The following FAM178B variants were observed in gnomAD, a reference collection of about 807,000 sequenced individuals.
FAM178B encodes family with sequence similarity 178 member B, also known as protein FAM178B.
FAM178B carries 82 observed loss-of-function variants against 91.7 expected under a neutral mutation model. The observed-to-expected ratio is 0.89, with a 90% CI of 0.75 to 1.07. FAM178B has a LOEUF of 1.07. FAM178B is among the 50% of genes least tolerant of loss of function. The probability of loss-of-function intolerance (pLI) is 0.00; values close to 1 mark genes in which losing one functional copy is unlikely to be tolerated. For synonymous variants in FAM178B, 368 were observed against 359.4 expected, an observed-to-expected ratio of 1.02 and a Z score of -0.27; for missense variants, 769 against 846.7, an observed-to-expected ratio of 0.91 and a Z score of 1.14.
In FAM178B at chr2:96,877,932, G is replaced by C. The variant is rs140902161; in HGVS notation, c.1965C>G (p.Thr655=). Residue 655 remains threonine (T), a synonymous_variant, in exon 16 of 17, where the codon ACC becomes ACG. Transcript: ENST00000490605. The part of the protein sequence containing the change: ...RTMLKDLATQ[T]YIRWQELLTH... ...TCAGCAGCTCCTGCCAACGGATGTA[G>C]GTCTGGGTAGCCAGGTCCTTGAGCA... 5 of 1,613,836 alleles carry C rather than the reference G, an allele frequency of 3.1e-6. No homozygotes were observed. The highest frequency in any genetic ancestry group is 4.2e-6 in the Non-Finnish European group (5 of 1,180,022).
At chr2:96,889,845 GA>G (rs1284500631) in intron 14 of FAM178B, among the ~76,000 whole-genome samples, 5 of 151,706 alleles carry the variant, frequency 3.3e-5, no homozygotes, top group African/African-American at 1.2e-4. Context: ...AATCTCGATG[GA>G]ATTGAATTGG....
intron 2 of FAM178B, 24 bp from the exon 3 acceptor site, chr2:96,972,346 G>C: frequency 6.8e-7 from 1 of 1,467,358 alleles, no homozygotes; most frequent in Non-Finnish European, 9.0e-7. Flanking sequence ...AGAATACTGT[G>C]GTCCCTCTGC....
chr2:96,900,674 T>G (rs1574216265), intron 13 of FAM178B, among the ~76,000 whole-genome samples: 1 of 151,496 alleles, frequency 6.6e-6, no homozygotes, highest in Admixed American at 6.6e-5. Context: ...TTGGCTGGAG[T>G]GGGAATGACA....
intron 14 of FAM178B, among the ~76,000 whole-genome samples, chr2:96,887,430 C>T (rs2080554440): frequency 6.6e-6 from 1 of 152,034 alleles, no homozygotes; most frequent in South Asian, 2.1e-4. Flanking sequence ...CTGGATTGAC[C>T]CTAAAAGGTA....
At chr2:96,918,753 A>C (rs1331577945) in intron 12 of FAM178B, among the ~76,000 whole-genome samples, 1 of 152,216 alleles carries the variant, frequency 6.6e-6, no homozygotes, top group African/African-American at 2.4e-5. Flanking sequence ...GTTAAAGAAA[A>C]GAAAGAAATG....
At chr2:96,877,676 T>G (rs2080278555) in intron 16 of FAM178B, 12 of 572,804 alleles carry the variant, frequency 2.1e-5, no homozygotes, top group Non-Finnish European at 3.1e-5. Context: ...ATTACAGGCG[T>G]GAGCTACCAC....
rs1295071687 is a variant in FAM178B, at chr2:96,909,074, C to T, written c.1563-6367G>A. ...AGGAGAATCACTTGAACCTGGGAGGCAGAGGTTGCAGTGAGCCGACATCAC... is the reference window on the plus strand; with the variant it reads ...AGGAGAATCACTTGAACCTGGGAGGTAGAGGTTGCAGTGAGCCGACATCAC... On this transcript the variant is annotated intron_variant, in intron 12 of 16. Coordinates refer to ENST00000490605, the MANE Select transcript of FAM178B (RefSeq NM_001122646.3). Among the ~76,000 whole-genome samples, 12 of 146,324 alleles carry T rather than the reference C, an allele frequency of 8.2e-5. No homozygotes were observed. In the Admixed American group the frequency reaches 8.5e-4, roughly 10 times the overall value.
At chr2:96,971,801 CTGGGGCGTGG>C in intron 3 of FAM178B, 90 bp downstream of exon 3, 1 of 1,150,994 alleles carries the variant, frequency 8.7e-7, no homozygotes, top group Non-Finnish European at 1.2e-6. Flanking sequence ...GGAAGAGCAG[CTGGGGCGTGG>C]CTCAGGAGAG....
rs182396374 is a variant in FAM178B, at chr2:96,914,989, G to T, written c.1562+6176C>A. Reference sequence around the variant, plus strand: ...ACAATGATGTGGGGCAGGGGTGGGGGGCAATGGGTGAGGGAAGGAGGAGTC... The same window carrying T: ...ACAATGATGTGGGGCAGGGGTGGGGTGCAATGGGTGAGGGAAGGAGGAGTC... On this transcript the variant is annotated intron_variant, in intron 12 of 16. Coordinates refer to ENST00000490605, the MANE Select transcript of FAM178B (RefSeq NM_001122646.3). 1.6e-3 allele frequency among the ~76,000 whole-genome samples: 249 copies of T among 152,256 alleles called. 1 individual carries two copies. The highest frequency in any genetic ancestry group is 5.3e-3 in the African/African-American group (222 of 41,540).
At position 96,911,364 on chromosome 2, in the gene FAM178B, CAGG is replaced by C. The variant is rs1487868149; in HGVS notation, c.1563-8660_1563-8658del. Among the ~76,000 whole-genome samples, 4 of 152,190 alleles carry C rather than the reference CAGG, an allele frequency of 2.6e-5. No homozygotes were observed. In the East Asian group the frequency reaches 7.7e-4, roughly 29 times the overall value. ...GGAGGACAATGGGAAGAGGCCTCTC[CAGG>C]AGGAGACAGATGCGGAAAAGCTTGG... is the stretch of plus-strand genomic sequence containing the variant. On this transcript the variant is annotated intron_variant, in intron 12 of 16. Transcript: ENST00000490605.
chr2:96,888,516 G>A (rs2080583644), intron 14 of FAM178B, among the ~76,000 whole-genome samples: 1 of 152,254 alleles, frequency 6.6e-6, no homozygotes. Context: ...AGAGGGCAGA[G>A]GCAAGCACAC....
intron 14 of FAM178B, among the ~76,000 whole-genome samples, chr2:96,884,545 G>C (rs1177546457): frequency 6.6e-6 from 1 of 152,204 alleles, no homozygotes; most frequent in Non-Finnish European, 1.5e-5. Context: ...GGGCTACTCA[G>C]GCCCCAGGCC....
At position 96,876,134 on chromosome 2, in the gene FAM178B, G is replaced by A. The variant is rs2080235978; in HGVS notation, c.*142C>T. 8 of 789,798 alleles carry A rather than the reference G, an allele frequency of 1.0e-5. No homozygotes were observed. Among genetic ancestry groups the A allele is most frequent in the South Asian group, 6.8e-5 (4 of 58,538 alleles). The allele number at this position is 789,798 out of a possible 1,614,324, so 48.9% of individuals were successfully genotyped here. On this transcript the variant is annotated 3_prime_UTR_variant, in exon 17 of 17. Transcript: ENST00000490605. ...TTGCAGAGAGGAGAGGGGTCGGGGCGGTGGCAGGGGCAGGCTCTTGCCTCA... is the reference window on the plus strand; with the variant it reads ...TTGCAGAGAGGAGAGGGGTCGGGGCAGTGGCAGGGGCAGGCTCTTGCCTCA...
rs2082223873 is a variant in FAM178B at position 96,971,923 on chromosome 2, C to G, written c.542G>C (p.Ser181Thr). The G allele has an allele frequency of 6.6e-7, 1 of 1,509,778 alleles. No individual in the cohort carries two copies. The highest frequency in any genetic ancestry group is 1.4e-5 in the African/African-American group (1 of 71,868). 93.5% of individuals were successfully genotyped at this position (1,509,778 alleles called of 1,614,324 possible). The change falls in exon 3 of 17, where the codon AGC (serine) becomes ACC (threonine). Residue 181 changes from serine (S) to threonine (T), a missense_variant. Physicochemically the swap from Ser to Thr is moderately conservative, Grantham distance 58 (BLOSUM62 1). Coordinates refer to ENST00000490605, the MANE Select transcript of FAM178B (RefSeq NM_001122646.3). ...CACCTCTGGGGCCGCAGCCTGCTGGCTCAGGCCTGACGTGTTCCAGAACAG... is the reference window on the plus strand; with the variant it reads ...CACCTCTGGGGCCGCAGCCTGCTGGGTCAGGCCTGACGTGTTCCAGAACAG... ...EKLFWNTSGL[S>T]QQAAAPEFSW... is the part of the protein sequence containing the mutation.
At chr2:96,907,562 T>C (rs1242281628) in intron 12 of FAM178B, among the ~76,000 whole-genome samples, 1 of 152,232 alleles carries the variant, frequency 6.6e-6, no homozygotes, top group East Asian at 1.9e-4. Context: ...CCAGGCCAGC[T>C]TCTGCCTCCG....
At chr2:96,876,893 G>A (rs2153366831) in intron 16 of FAM178B, among the ~76,000 whole-genome samples, 1 of 152,236 alleles carries the variant, frequency 6.6e-6, no homozygotes, top group South Asian at 2.1e-4. Context: ...GGAAGGGAGG[G>A]CACCAGCACA....
chr2:96,898,154 A>G (rs1305788730), intron 13 of FAM178B: 1 of 976,786 alleles, frequency 1.0e-6, no homozygotes, highest in East Asian at 1.1e-4. Context: ...CAGTGAATCG[A>G]TTGATAGGAT....
At chr2:96,923,148 T>C (rs1034096313) in intron 10 of FAM178B, among the ~76,000 whole-genome samples, 9 of 151,100 alleles carry the variant, frequency 6.0e-5, no homozygotes, top group East Asian at 1.9e-4. Context: ...TTTTTTTGTA[T>C]TTTTAGTACA....
chr2:96,982,041 T>C (rs1377880369), intron 1 of FAM178B, among the ~76,000 whole-genome samples: 1 of 152,082 alleles, frequency 6.6e-6, no homozygotes. Context: ...CACTCCAGCC[T>C]GGGTGACAAA....
Sources: gnomAD v4.1 joint callset for allele counts (sites outside exome capture counted in the v4.1 genomes callset) on GRCh38, gnomAD v4.1.1 for gene constraint, MANE v1.5 for transcripts, NCBI Gene and HGNC (gene_info 2026-07-23, HGNC 2026-07-21) for gene names.